Variants in CDK12 observed in about 807,000 individuals in gnomAD.
CDK12 encodes cyclin-dependent kinase 12.
Under a neutral mutation model 133.8 loss-of-function variants are expected in CDK12, and 17 were observed. That is an observed-to-expected ratio of 0.13 (90% CI 0.09 to 0.19). The LOEUF (loss-of-function observed/expected upper bound fraction) is 0.19. Ranked by LOEUF, CDK12 falls within the 10% of genes least tolerant of loss-of-function variation. The pLI is 1.00. For synonymous variants in CDK12, 694 were observed against 683.6 expected (o/e 1.02, Z -0.24); for missense variants, 1,508 against 1,818.7 (o/e 0.83, Z 3.11).
intron 3 of CDK12, among the ~76,000 whole-genome samples, chr17:39,562,699 T>C (rs2056415252): frequency 6.6e-6 from 1 of 152,140 alleles, no homozygotes; most frequent in African/African-American, 2.4e-5. Context: ...AAAAAAAAGT[T>C]TGTCATCAAA....
chr17:39,478,918 T>C (rs2050417657), intron 2 of CDK12, among the ~76,000 whole-genome samples: 2 of 152,182 alleles, frequency 1.3e-5, no homozygotes, highest in South Asian at 4.1e-4. Flanking sequence ...TGTGTGTGTG[T>C]GCTGCTATAT....
At position 39,492,858 on chromosome 17, in the gene CDK12, G is replaced by C; in HGVS notation, c.2216G>C (p.Gly739Ala). ...GGGATTATTGGAGAAGGAACCTATG[G>C]CCAAGTATATAAAGCCAAGGACAAA... ...IIGIIGEGTY[G>A]QVYKAKDKDT... The change falls in exon 4 of 14, where the codon GGC (glycine) becomes GCC (alanine). Residue 739 changes from glycine to alanine, a missense_variant. By Grantham distance (60) the Gly-to-Ala change is moderately conservative (BLOSUM62 0). Around this residue, in one of 9 missense-constraint regions of CDK12, gnomAD observed 74 missense variants for 160.2 expected, o/e 0.46. Transcript: ENST00000447079. 6.2e-7 allele frequency: 1 copy of C among 1,613,098 alleles called. No individual in the cohort carries two copies.
Position 39,492,810 on chromosome 17 carries a change from G to C in CDK12, c.2168G>C (p.Cys723Ser). The C allele has an allele frequency of 6.2e-7, 1 of 1,613,392 alleles. No homozygotes were observed. The highest frequency in any genetic ancestry group is 8.5e-7 in the Non-Finnish European group (1 of 1,179,478). Residue 723 changes from cysteine (C) to serine (S), a missense_variant, in exon 4 of 14, where the codon TGT (cysteine) becomes TCT (serine). Cys to Ser is a moderately radical substitution (Grantham distance 112). This residue lies in a region of CDK12 where 74 missense variants were observed against 160.2 expected (regional missense o/e 0.46). Coordinates refer to ENST00000447079, the MANE Select transcript of CDK12 (RefSeq NM_016507.4). ...RQTESDWGKR[C>S]VDKFDIIGII... ...ACAGAAAGCGACTGGGGGAAACGCT[G>C]TGTGGACAAGTTTGACATTATTGGG...
chr17:39,529,924 T>A (rs903382869), intron 13 of CDK12: 2 of 152,122 alleles, frequency 1.3e-5, no homozygotes, highest in African/African-American at 4.8e-5. Context: ...AAAATTATGA[T>A]AGAAATTAGT....
intron 5 of CDK12, among the ~76,000 whole-genome samples, chr17:39,497,843 A>G (rs914064258): frequency 1.3e-5 from 2 of 151,944 alleles, no homozygotes; most frequent in Non-Finnish European, 2.9e-5. Flanking sequence ...GGGCTCAAGC[A>G]GTCCTCTTGC....
At chr17:39,506,127 A>G (rs1016423729) in intron 6 of CDK12, among the ~76,000 whole-genome samples, 2 of 152,124 alleles carry the variant, frequency 1.3e-5, no homozygotes, top group African/African-American at 4.8e-5. Flanking sequence ...ACAGACAAGT[A>G]AAAGGACTAA....
downstream of CDK12, among the ~76,000 whole-genome samples, chr17:39,537,474 G>A (rs1385001495): frequency 1.3e-5 from 2 of 152,082 alleles, no homozygotes; most frequent in Non-Finnish European, 2.9e-5. Context: ...GTGGAAATAA[G>A]GGTAAGAAGG....
In CDK12 at chr17:39,526,171, C is replaced by T; in HGVS notation, c.3615C>T (p.Asp1205=). The change falls in exon 13 of 14, where the codon GAC becomes GAT. Residue 1205 remains aspartate, a synonymous_variant. Transcript: ENST00000447079. ...TTGAAGCTTCAAGCACACCAGCTGA[C>T]ATGCAGAATATATTGGCAGTTCTCT... ...TTLEASSTPA[D]MQNILAVLLS... is the part of the protein sequence containing the mutation. 6.2e-7 allele frequency: 1 copy of T among 1,614,178 alleles called. No individual in the cohort carries two copies.
chr17:39,524,900 G>A lies in CDK12; in HGVS notation c.3307+15G>A, dbSNP rs2054402343. On this transcript the variant is annotated intron_variant, in intron 12 of 13. Transcript: ENST00000447079. ...GGATGCAATAGGTCAGTGCCAGAAT[G>A]GGGCCTTTGTGCTTTTGCTAAGCGT... 6.9e-6 allele frequency: 11 copies of A among 1,595,066 alleles called. No homozygotes were observed. The East Asian group carries it at 2.2e-4, about 33-fold the overall frequency.
At position 39,471,349 on chromosome 17, in the gene CDK12, T is replaced by G. The variant is rs757083341; in HGVS notation, c.1517T>G (p.Ile506Arg). Residue 506 changes from isoleucine (I) to arginine (R), a missense_variant, in exon 2 of 14, where the codon ATA becomes AGA. Ile to Arg is a moderately conservative substitution (Grantham distance 97). This residue lies in a region of CDK12 where 347 missense variants were observed against 330.8 expected (regional missense o/e 1.05). Coordinates refer to ENST00000447079, the MANE Select transcript of CDK12 (RefSeq NM_016507.4). ...CAGGGAACAAGAGACTCTAAACCCATAGCACTGAAAGAGGAGATTGTTACT... is the reference window on the plus strand; with the variant it reads ...CAGGGAACAAGAGACTCTAAACCCAGAGCACTGAAAGAGGAGATTGTTACT... ...KAQGTRDSKP[I>R]ALKEEIVTPK... 1.2e-6 allele frequency: 2 copies of G among 1,613,972 alleles called. No homozygotes were observed. The highest frequency in any genetic ancestry group is 3.3e-5 in the Admixed American group (2 of 59,974).
chr17:39,461,781 A>T lies in CDK12; in HGVS notation c.-291A>T. On this transcript the variant is annotated 5_prime_UTR_variant, in exon 1 of 14. Transcript: ENST00000447079. ...ACCTCCCCGGCGCCCGGGCCTGAGG[A>T]CTGGCTCGGCGGAGGGAGAAGAGGA... The T allele has an allele frequency of 2.2e-6, 1 of 450,318 alleles. No homozygotes were observed. Among genetic ancestry groups the T allele is most frequent in the South Asian group, 3.0e-5 (1 of 32,886 alleles). 27.9% of individuals were successfully genotyped at this position (450,318 alleles called of 1,614,324 possible).
rs760641257 is a variant in CDK12 at position 39,462,692 on chromosome 17, C to G, written c.621C>G (p.Pro207=). ...AAAGTCATCGAAAAAGGGAAACACC[C>G]AAAAGTTACAAAACAGTGGACAGCC... ...RSKSHRKRET[P]KSYKTVDSPK... Residue 207 remains proline, a synonymous_variant, in exon 1 of 14, where the codon CCC becomes CCG. Coordinates refer to ENST00000447079, the MANE Select transcript of CDK12 (RefSeq NM_016507.4). 2 of 1,614,124 alleles carry G rather than the reference C, an allele frequency of 1.2e-6. No individual in the cohort carries two copies. Among genetic ancestry groups the G allele is most frequent in the Admixed American group, 1.7e-5 (1 of 60,004 alleles).
chr17:39,483,689 AATTTATTTATTTATTTATTT>A (rs71353589), intron 2 of CDK12, among the ~76,000 whole-genome samples: 10 of 148,844 alleles, frequency 6.7e-5, no homozygotes, highest in Non-Finnish European at 1.2e-4. Flanking sequence ...AAACAGTTAC[AATTTATTTATTTATTTATTT>A]ATTTATTTAT....
intron 1 of CDK12, among the ~76,000 whole-genome samples, 166 bp from the exon 2 acceptor site, chr17:39,470,713 G>A (rs558078684): frequency 6.6e-6 from 1 of 152,108 alleles, no homozygotes; most frequent in South Asian, 2.1e-4. Context: ...TCTCCTTGGG[G>A]TGCCTCTTGA....
Position 39,461,999 on chromosome 17 carries a change from G to A in CDK12, c.-73G>A. 1 of 1,206,928 alleles carries A rather than the reference G, an allele frequency of 8.3e-7. No homozygotes were observed. Among genetic ancestry groups the A allele is most frequent in the Non-Finnish European group, 1.2e-6 (1 of 868,042 alleles). 74.8% of individuals were successfully genotyped at this position (1,206,928 alleles called of 1,614,324 possible). ...CTTTGGTGGGCGTGGAGTTGGGGTT[G>A]GGGGGGTGGGTGGGGGTTGCTTTTT... On this transcript the variant is annotated 5_prime_UTR_variant, in exon 1 of 14. Coordinates refer to ENST00000447079, the MANE Select transcript of CDK12 (RefSeq NM_016507.4).
chr17:39,513,908 C>G (rs2146427034), intron 8 of CDK12, among the ~76,000 whole-genome samples: 1 of 152,162 alleles, frequency 6.6e-6, no homozygotes, highest in African/African-American at 2.4e-5. Context: ...ACTAGAAAGA[C>G]TAGTACAGCA....
rs1190389586 is a variant in CDK12, at chr17:39,462,433, A to G, written c.362A>G (p.Asp121Gly). The G allele has an allele frequency of 3.1e-6, 5 of 1,614,116 alleles. No homozygotes were observed. The change falls in exon 1 of 14, where the codon GAC becomes GGC. Residue 121 changes from aspartate to glycine, a missense_variant. Physicochemically the swap from Asp to Gly is moderately conservative, Grantham distance 94. Coordinates refer to ENST00000447079, the MANE Select transcript of CDK12 (RefSeq NM_016507.4). ...HRHHQHRRSR[D>G]LLKAKQTEKE... ...CACCACCAGCACAGGCGTTCCCGGG[A>G]CTTACTAAAAGCTAAACAGACCGAA...
Position 39,524,680 on chromosome 17 carries a change from C to T in CDK12, c.3102C>T (p.Pro1034=). The T allele has an allele frequency of 6.2e-7, 1 of 1,614,076 alleles. No individual in the cohort carries two copies. Among genetic ancestry groups the T allele is most frequent in the Non-Finnish European group, 8.5e-7 (1 of 1,179,940 alleles). Residue 1034 remains proline (P), a synonymous_variant, in exon 12 of 14, where the codon CCC becomes CCT. Coordinates refer to ENST00000447079, the MANE Select transcript of CDK12 (RefSeq NM_016507.4). ...TTGCTTTGTCTTTTTCCAGCCTCCC[C>T]CACTGGCAGGATTGCCATGAGTTGT... ...ELSKMAPPDL[P]HWQDCHELWS...
At chr17:39,493,247 C>T (rs1428058741) in intron 4 of CDK12, among the ~76,000 whole-genome samples, 1 of 150,624 alleles carries the variant, frequency 6.6e-6, no homozygotes, top group Admixed American at 6.7e-5. Flanking sequence ...AAGCAATCTG[C>T]CCACCTCGGC....
Sources: allele counts gnomAD v4.1 joint callset (sites outside exome capture counted in the v4.1 genomes callset), GRCh38; gene constraint gnomAD v4.1.1; regional missense constraint gnomAD v4.1.1; transcripts MANE v1.5; gene names NCBI Gene and HGNC (gene_info 2026-07-23, HGNC 2026-07-21).